Variants in EDEM1 observed in about 807,000 individuals in gnomAD.
The protein encoded by EDEM1 is ER degradation enhancing alpha-mannosidase like protein 1.
In EDEM1, 67 loss-of-function variants were observed where a neutral mutation model predicts 74.4. That is an observed-to-expected ratio of 0.90 (90% CI 0.74 to 1.10). The LOEUF is 1.10. EDEM1 is among the 50% of genes least tolerant of loss of function. The pLI is 0.00. For missense variants in EDEM1, 926 were observed against 851.6 expected (o/e 1.09, Z -1.09); for synonymous variants, 382 against 335.9 (o/e 1.14, Z -1.50).
chr3:5,201,872 T>TG lies in EDEM1; in HGVS notation c.807dup (p.Arg270AlafsTer7), dbSNP rs1266478279. 1 of 1,614,144 alleles carries TG rather than the reference T, an allele frequency of 6.2e-7. No homozygotes were observed. Among genetic ancestry groups the TG allele is most frequent in the Non-Finnish European group, 8.5e-7 (1 of 1,180,016 alleles). On this transcript the variant is annotated frameshift_variant, in exon 4 of 12. Transcript: ENST00000256497. LOFTEE classifies it high-confidence loss of function. ...TTATACATGGCCCATGACCTGGCGG[T>TG]GCGGCTCCTCCCTGCTTTTGAAAAC...
Position 5,188,240 on chromosome 3 carries a change from C to T in EDEM1, c.435C>T (p.Tyr145=). ...TGTTCGTCTTTGGCTACGACAACTA[C>T]ATGGCTCACGCCTTCCCCCAGGACG... ...RGMFVFGYDN[Y]MAHAFPQDEL... The change falls in exon 1 of 12, where the codon TAC becomes TAT. Residue 145 remains tyrosine, a synonymous_variant. Transcript: ENST00000256497. 1 of 1,583,404 alleles carries T rather than the reference C, an allele frequency of 6.3e-7. No individual in the cohort carries two copies. The highest frequency in any genetic ancestry group is 8.6e-7 in the Non-Finnish European group (1 of 1,167,084).
chr3:5,206,398 G>A (rs934504466), intron 6 of EDEM1, among the ~76,000 whole-genome samples: 3 of 152,000 alleles, frequency 2.0e-5, no homozygotes, highest in African/African-American at 7.3e-5. Context: ...AGTAGAGATG[G>A]GGTTTCACCA....
In EDEM1 at chr3:5,193,013, GAT is replaced by G. The variant is rs2054919601; in HGVS notation, c.510-2195_510-2194del. ...TAAAACTGGGTCTATTTTAGTTATA[GAT>G]TACAAGGCAAAGCACAATAAAACAT... On this transcript the variant is annotated intron_variant, in intron 1 of 11. Transcript: ENST00000256497. Among the ~76,000 whole-genome samples the G allele has an allele frequency of 2.0e-5, 3 of 151,634 alleles. No homozygotes were observed. The South Asian group carries it at 6.2e-4, about 32-fold the overall frequency.
intron 1 of EDEM1, among the ~76,000 whole-genome samples, chr3:5,193,582 A>G (rs1443270072): frequency 6.6e-6 from 1 of 152,086 alleles, no homozygotes; most frequent in African/African-American, 2.4e-5. Context: ...ATCTCGTTTC[A>G]AAAAAACAGT....
At chr3:5,195,148 C>T in intron 1 of EDEM1, 61 bp from the exon 2 acceptor site, 1 of 1,048,250 alleles carries the variant, frequency 9.5e-7, no homozygotes, top group Non-Finnish European at 1.3e-6. Flanking sequence ...TGGGTGTTTA[C>T]TTTTATTGTC....
At chr3:5,203,239 TC>T in intron 5 of EDEM1, 90 bp downstream of exon 5, 1 of 1,328,294 alleles carries the variant, frequency 7.5e-7, no homozygotes, top group Non-Finnish European at 1.0e-6. Context: ...TTTTTACTCT[TC>T]AACTCAATTG....
intron 3 of EDEM1, among the ~76,000 whole-genome samples, chr3:5,200,731 C>T (rs1575587188): frequency 6.6e-6 from 1 of 152,268 alleles, no homozygotes; most frequent in Non-Finnish European, 1.5e-5. Context: ...AAGCTGGTAG[C>T]CTGCTGCCTC....
At chr3:5,209,188 A>G (rs1423764512) in intron 8 of EDEM1, among the ~76,000 whole-genome samples, 2 of 152,182 alleles carry the variant, frequency 1.3e-5, no homozygotes, top group South Asian at 2.1e-4. Context: ...AAAAAGGGGA[A>G]AGAAATCCTG....
At position 5,187,881 on chromosome 3, in the gene EDEM1, G is replaced by C. The variant is rs866733805; in HGVS notation, c.76G>C (p.Gly26Arg). The C allele has an allele frequency of 3.1e-6, 5 of 1,597,064 alleles. No individual in the cohort carries two copies. The highest frequency in any genetic ancestry group is 2.0e-4 in the Middle Eastern group (1 of 4,920). Residue 26 changes from glycine to arginine, a missense_variant, in exon 1 of 12, where the codon GGG (glycine) becomes CGG (arginine). By Grantham distance (125) the Gly-to-Arg change is moderately radical. Coordinates refer to ENST00000256497, the MANE Select transcript of EDEM1 (RefSeq NM_014674.3). ...GLHGVLWLVF[G>R]LGPSMGFYQR... ...CCATGGAGTATTGTGGCTCGTCTTC[G>C]GGCTGGGGCCCAGCATGGGCTTCTA...
chr3:5,188,448 C>T (rs1196487138), intron 1 of EDEM1, 134 bp downstream of exon 1: 11 of 1,070,718 alleles, frequency 1.0e-5, no homozygotes, highest in Non-Finnish European at 1.2e-5. Context: ...CGCTCCCGCG[C>T]CCTGTCCCGT....
At chr3:5,189,290 T>A (rs1217375423) in intron 1 of EDEM1, 1 of 152,226 alleles carries the variant, frequency 6.6e-6, no homozygotes, top group African/African-American at 2.4e-5. Context: ...TTCCTTCACC[T>A]GGAGGAAAGC....
At chr3:5,202,653 C>T (rs1399092049) in intron 4 of EDEM1, among the ~76,000 whole-genome samples, 1 of 152,198 alleles carries the variant, frequency 6.6e-6, no homozygotes, top group Non-Finnish European at 1.5e-5. Flanking sequence ...GCCTTTGTCT[C>T]TAACCCTAAA....
chr3:5,206,210 CTTTT>C (rs762318338), intron 6 of EDEM1, among the ~76,000 whole-genome samples: 1 of 140,060 alleles, frequency 7.1e-6, no homozygotes. Context: ...CCAGATCTTT[CTTTT>C]TTTTTTTTTT....
At chr3:5,188,475 A>G in intron 1 of EDEM1, 161 bp downstream of exon 1, 1 of 791,484 alleles carries the variant, frequency 1.3e-6, no homozygotes, top group Non-Finnish European at 1.7e-6. Flanking sequence ...CCCTGTGAAG[A>G]CCCCCGAGCT....
In EDEM1 at chr3:5,192,848, A is replaced by G. The variant is rs147748645; in HGVS notation, c.510-2361A>G. On this transcript the variant is annotated intron_variant, in intron 1 of 11. Coordinates refer to ENST00000256497, the MANE Select transcript of EDEM1 (RefSeq NM_014674.3). ...AAGAATTAAAAGTGTTCTAATGAGT[A>G]AATACCCCAGATCTTAGAGAGGATT... Among the ~76,000 whole-genome samples, 471 of 152,312 alleles carry G rather than the reference A, an allele frequency of 3.1e-3. 2 individuals carry two copies. The highest frequency in any genetic ancestry group is 0.011 in the African/African-American group (442 of 41,572).
At chr3:5,203,376 C>G (rs758823868) in intron 5 of EDEM1, among the ~76,000 whole-genome samples, 1 of 152,164 alleles carries the variant, frequency 6.6e-6, no homozygotes, top group Non-Finnish European at 1.5e-5. Flanking sequence ...GATTCGGATC[C>G]CCTGGCATAT....
At chr3:5,207,043 A>G in intron 6 of EDEM1, 110 bp from the exon 7 acceptor site, 1 of 1,476,886 alleles carries the variant, frequency 6.8e-7, no homozygotes, top group Non-Finnish European at 9.1e-7. Context: ...AGTTAGGAGA[A>G]AAAATTAATG....
In EDEM1 at chr3:5,206,318, C is replaced by T. The variant is rs148102506; in HGVS notation, c.1218-835C>T. 5.3e-3 allele frequency among the ~76,000 whole-genome samples: 807 copies of T among 152,082 alleles called. 6 individuals carry two copies. The highest frequency in any genetic ancestry group is 9.3e-3 in the Non-Finnish European group (630 of 68,004). ...TGCCTCCTGCGTTCAAGCGATTCTC[C>T]TGCCTCAGCCTCCTGAGTAGCTGGG... On this transcript the variant is annotated intron_variant, in intron 6 of 11. Coordinates refer to ENST00000256497, the MANE Select transcript of EDEM1 (RefSeq NM_014674.3).
At chr3:5,191,210 A>C (rs1299800615) in intron 1 of EDEM1, among the ~76,000 whole-genome samples, 1 of 152,012 alleles carries the variant, frequency 6.6e-6, no homozygotes, top group Non-Finnish European at 1.5e-5. Context: ...TCTGTAATAA[A>C]AATTTTTCAT....
Sources: gnomAD v4.1 joint callset for allele counts (sites outside exome capture counted in the v4.1 genomes callset) on GRCh38, gnomAD v4.1.1 for gene constraint, MANE v1.5 for transcripts, NCBI Gene and HGNC (gene_info 2026-07-23, HGNC 2026-07-21) for gene names.